Variants in PGS1 observed in about 807,000 individuals in gnomAD.
PGS1 encodes the protein phosphatidylglycerophosphate synthase 1.
PGS1 carries 44 observed loss-of-function variants against 58.3 expected under a neutral mutation model. The observed-to-expected ratio is 0.75, with a 90% CI of 0.59 to 0.97. The LOEUF (loss-of-function observed/expected upper bound fraction) is 0.97, where lower values mean the gene tolerates loss of function less well. PGS1 is among the 50% of genes least tolerant of loss of function. The probability of loss-of-function intolerance (pLI) is 0.00; values close to 1 mark genes in which losing one functional copy is unlikely to be tolerated. For synonymous variants in PGS1, 330 were observed against 311.0 expected, an observed-to-expected ratio of 1.06 and a Z score of -0.64; for missense variants, 684 against 731.1, an observed-to-expected ratio of 0.94 and a Z score of 0.74.
intron 1 of PGS1, among the ~76,000 whole-genome samples, chr17:78,391,994 A>T (rs1251109436): frequency 1.3e-5 from 2 of 152,186 alleles, no homozygotes; most frequent in African/African-American, 2.4e-5. Context: ...TGTTTATCTC[A>T]TGAGTCATAA....
At position 78,414,996 on chromosome 17, in the gene PGS1, A is replaced by G. The variant is rs375209459; in HGVS notation, c.1520A>G (p.Glu507Gly). The change falls in exon 8 of 10, where the codon GAG becomes GGG. Residue 507 changes from glutamate (E) to glycine (G), a missense_variant. Physicochemically the swap from Glu to Gly is moderately conservative, Grantham distance 98. Transcript: ENST00000262764. ...DLEAQIAIVT[E>G]NQALQQQLHQ... The stretch of plus-strand genomic sequence containing the variant: ...GAGGCCCAGATTGCGATCGTGACGG[A>G]GAACCAGGCCCTGCAGCAGCAGCTT... 24 of 1,613,268 alleles carry G rather than the reference A, an allele frequency of 1.5e-5. No homozygotes were observed. The highest frequency in any genetic ancestry group is 2.0e-5 in the Non-Finnish European group (24 of 1,180,036).
At chr17:78,410,033 C>G (rs915194544) in intron 7 of PGS1, among the ~76,000 whole-genome samples, 2 of 152,144 alleles carry the variant, frequency 1.3e-5, no homozygotes, top group African/African-American at 4.8e-5. Context: ...ATCACTTGAA[C>G]CTGGGAGACG....
intron 1 of PGS1, among the ~76,000 whole-genome samples, chr17:78,387,183 T>C (rs182282425): frequency 6.6e-6 from 1 of 151,480 alleles, no homozygotes; most frequent in East Asian, 2.0e-4. Context: ...TTTGTATTTT[T>C]AGTAGAGATG....
Position 78,424,343 on chromosome 17 carries a change from C to G in PGS1, c.*293C>G, listed in dbSNP as rs534103651. Reference sequence around the variant, plus strand: ...GATGGCCTGCATGTTGTAACTACCCCGTCCCGCTGGGCTCAAGGAACAGCT... The same window carrying G: ...GATGGCCTGCATGTTGTAACTACCCGGTCCCGCTGGGCTCAAGGAACAGCT... On this transcript the variant is annotated 3_prime_UTR_variant, in exon 10 of 10. Transcript: ENST00000262764. 1.2e-5 allele frequency: 8 copies of G among 642,766 alleles called. No homozygotes were observed. Among genetic ancestry groups the G allele is most frequent in the Non-Finnish European group, 1.5e-5 (6 of 391,644 alleles). The allele number at this position is 642,766 out of a possible 1,614,324, so 39.8% of individuals were successfully genotyped here.
chr17:78,383,350 T>C (rs1372005341), intron 1 of PGS1, among the ~76,000 whole-genome samples: 1 of 151,938 alleles, frequency 6.6e-6, no homozygotes, highest in Non-Finnish European at 1.5e-5. Context: ...CCTCAGCCTC[T>C]CGAGTAGCTG....
chr17:78,389,600 C>A (rs2082669763), intron 1 of PGS1, among the ~76,000 whole-genome samples: 1 of 142,924 alleles, frequency 7.0e-6, no homozygotes, highest in South Asian at 2.3e-4. Context: ...GAATTATAGG[C>A]GTGAGCCACC....
chr17:78,409,358 A>G (rs956308295), intron 7 of PGS1, among the ~76,000 whole-genome samples: 1 of 152,252 alleles, frequency 6.6e-6, no homozygotes, highest in African/African-American at 2.4e-5. Context: ...TGTTGGATTA[A>G]GAGATTTCTG....
chr17:78,411,094 A>G (rs997713285), intron 7 of PGS1, among the ~76,000 whole-genome samples: 2 of 152,172 alleles, frequency 1.3e-5, no homozygotes, highest in African/African-American at 4.8e-5. Flanking sequence ...TGAGGAGTAG[A>G]CACTCGGGCA....
Position 78,405,689 on chromosome 17 carries a change from C to T in PGS1, c.1402+1600C>T, listed in dbSNP as rs143902198. 1.2e-4 allele frequency among the ~76,000 whole-genome samples: 18 copies of T among 152,342 alleles called. No individual in the cohort carries two copies. The East Asian group carries it at 2.9e-3, about 24-fold the overall frequency. Reference sequence around the variant, plus strand: ...CAGCGGGACCATGACTCCTTTCTGACGCTGGGGACCCCCAATCCTGGAGCT... The same window carrying T: ...CAGCGGGACCATGACTCCTTTCTGATGCTGGGGACCCCCAATCCTGGAGCT... On this transcript the variant is annotated intron_variant, in intron 7 of 9. Coordinates refer to ENST00000262764, the MANE Select transcript of PGS1 (RefSeq NM_024419.5).
rs1038264281 is a variant in PGS1 at position 78,400,567 on chromosome 17, G to T, written c.702-110G>T. ...AGTAGCTATTTGTTAACTGCATCTT[G>T]ACCTGAGTTTGTCACCCCCCTGCTA... On this transcript the variant is annotated intron_variant, in intron 5 of 9. Coordinates refer to ENST00000262764, the MANE Select transcript of PGS1 (RefSeq NM_024419.5). This position sits in a 1 kb window ranked among gnomAD's most constrained non-coding sequence, Gnocchi z 4.4. 6.0e-6 allele frequency: 5 copies of T among 837,754 alleles called. No homozygotes were observed. Among genetic ancestry groups the T allele is most frequent in the Non-Finnish European group, 4.0e-6 (2 of 505,314 alleles). The allele number at this position is 837,754 out of a possible 1,614,324, so 51.9% of individuals were successfully genotyped here.
rs1327255253 is a variant in PGS1 at position 78,419,572 on chromosome 17, A to G, written c.1578A>G (p.Ser526=). ...AGCAAGAGCAGCTCTACCTGAGGTC[A>G]GGTGTGGTGTCCTCTGCCACCTTCG... ...HQEQEQLYLR[S]GVVSSATFEQ... is the part of the protein sequence containing the mutation. Residue 526 remains serine, a synonymous_variant, in exon 9 of 10, where the codon TCA becomes TCG. Coordinates refer to ENST00000262764, the MANE Select transcript of PGS1 (RefSeq NM_024419.5). The G allele has an allele frequency of 2.5e-5, 40 of 1,613,870 alleles. No homozygotes were observed. Among genetic ancestry groups the G allele is most frequent in the Non-Finnish European group, 3.4e-5 (40 of 1,179,928 alleles).
At chr17:78,410,890 C>T (rs865793061) in intron 7 of PGS1, among the ~76,000 whole-genome samples, 3 of 152,170 alleles carry the variant, frequency 2.0e-5, no homozygotes, top group Non-Finnish European at 2.9e-5. Flanking sequence ...AGGCATCATT[C>T]GGGACATTGG....
intron 7 of PGS1, among the ~76,000 whole-genome samples, chr17:78,412,578 T>C (rs1168500006): frequency 1.3e-5 from 2 of 152,194 alleles, no homozygotes; most frequent in African/African-American, 2.4e-5. Flanking sequence ...GAGCCAGTGC[T>C]TAGGTGGATT....
chr17:78,380,811 AAG>A (rs765474474), intron 1 of PGS1: 6 of 152,212 alleles, frequency 3.9e-5, no homozygotes, highest in Admixed American at 6.5e-5. Flanking sequence ...TATTTTAAAA[AAG>A]AAATCTCTCA....
intron 8 of PGS1, among the ~76,000 whole-genome samples, chr17:78,416,907 C>T (rs778238039): frequency 6.6e-6 from 1 of 152,158 alleles, no homozygotes; most frequent in Non-Finnish European, 1.5e-5. Flanking sequence ...CAGAAAGTCC[C>T]TAAAGCCCCA....
chr17:78,409,345 A>G (rs760897839), intron 7 of PGS1, among the ~76,000 whole-genome samples: 3 of 152,270 alleles, frequency 2.0e-5, no homozygotes, highest in Non-Finnish European at 4.4e-5. Flanking sequence ...AGGGCGGAGC[A>G]GGTGTTGGAT....
intron 7 of PGS1, among the ~76,000 whole-genome samples, chr17:78,408,626 G>A (rs373019592): frequency 2.1e-4 from 32 of 152,342 alleles, no homozygotes; most frequent in African/African-American, 6.0e-4. Context: ...CCTTGGTGCC[G>A]TGTCTCTGGC....
rs2086289623 is a variant in PGS1 at position 78,424,233 on chromosome 17, C to CA, written c.*184dup. 6.6e-7 allele frequency: 1 copy of CA among 1,507,428 alleles called. No homozygotes were observed. The highest frequency in any genetic ancestry group is 8.9e-7 in the Non-Finnish European group (1 of 1,125,854). The allele number at this position is 1,507,428 out of a possible 1,614,324, so 93.4% of individuals were successfully genotyped here. On this transcript the variant is annotated 3_prime_UTR_variant, in exon 10 of 10. Transcript: ENST00000262764. ...GCTGGCAGGAAGGGTGGGGTCCTCACACTCCCCGCCCTCTGCAGAGCTGGG... is the reference window on the plus strand; with the variant it reads ...GCTGGCAGGAAGGGTGGGGTCCTCACAACTCCCCGCCCTCTGCAGAGCTGGG...
intron 7 of PGS1, among the ~76,000 whole-genome samples, chr17:78,412,572 C>T (rs889617195): frequency 1.3e-5 from 2 of 152,216 alleles, no homozygotes; most frequent in Non-Finnish European, 2.9e-5. Context: ...AGAACCGAGC[C>T]AGTGCTTAGG....
Sources: gnomAD v4.1 joint callset for allele counts (sites outside exome capture counted in the v4.1 genomes callset) on GRCh38, gnomAD v4.1.1 for gene constraint, Gnocchi (gnomAD v3.1) non-coding constraint, MANE v1.5 for transcripts, NCBI Gene and HGNC (gene_info 2026-07-23, HGNC 2026-07-21) for gene names.